ZNF584: variants seen among roughly 807,000 people sequenced by gnomAD.
The protein encoded by ZNF584 is zinc finger protein 584.
In ZNF584, 12 loss-of-function variants were observed where a neutral mutation model predicts 14.7. The ratio of observed to expected loss-of-function variants is 0.82; its 90% CI spans 0.52 to 1.32. The LOEUF is 1.32. ZNF584 is among the 40% of genes most tolerant of loss of function. ZNF584 has a pLI of 0.00. For synonymous variants in ZNF584, 204 were observed against 190.9 expected (o/e 1.07, Z -0.57); for missense variants, 478 against 518.8 (o/e 0.92, Z 0.76).
At position 58,417,583 on chromosome 19, in the gene ZNF584, A is replaced by T. The variant is rs757936099; in HGVS notation, c.1065A>T (p.Glu355Asp). 6.2e-7 allele frequency: 1 copy of T among 1,614,074 alleles called. No individual in the cohort carries two copies. The highest frequency in any genetic ancestry group is 8.5e-7 in the Non-Finnish European group (1 of 1,180,044). ...WKVHTGERPY[E>D]CSLCGKTFTT... ...TCCACACTGGGGAACGGCCCTATGA[A>T]TGTAGCCTGTGTGGGAAAACCTTCA... The change falls in exon 4 of 4, where the codon GAA becomes GAT. Residue 355 changes from glutamate to aspartate, a missense_variant. By Grantham distance (45) the Glu-to-Asp change is conservative. Transcript: ENST00000306910.
At chr19:58,404,856 C>T (rs1407682182), upstream of ZNF584, 41 of 123,884 alleles carry the variant, frequency 3.3e-4, no homozygotes, top group African/African-American at 1.3e-3. Flanking sequence ...GCTCGCCAGG[C>T]GGGGGGCTGA....
At chr19:58,406,129 T>C (rs76981959), upstream of ZNF584, 3 of 162,020 alleles carry the variant, frequency 1.9e-5, no homozygotes, top group Non-Finnish European at 2.7e-5. Flanking sequence ...GGATCACTCG[T>C]GGTTAGGAGC....
chr19:58,415,184 C>T (rs899440513), intron 2 of ZNF584, among the ~76,000 whole-genome samples: 5 of 151,874 alleles, frequency 3.3e-5, no homozygotes, highest in South Asian at 2.1e-4. Flanking sequence ...TGAGCCACTG[C>T]GCCCGGCCTG....
intron 1 of ZNF584, 116 bp downstream of exon 1, chr19:58,409,281 T>C: frequency 6.7e-6 from 8 of 1,196,666 alleles, no homozygotes; most frequent in Non-Finnish European, 8.8e-6. Context: ...GGGAGGTCTT[T>C]GATGCACGGC....
intron 2 of ZNF584, among the ~76,000 whole-genome samples, chr19:58,411,685 C>T (rs1370120023): frequency 6.6e-6 from 1 of 151,534 alleles, no homozygotes; most frequent in East Asian, 2.0e-4. Context: ...TGTTCTGTCG[C>T]CAGGCTGGAG....
At position 58,417,444 on chromosome 19, in the gene ZNF584, A is replaced by T. The variant is rs976562764; in HGVS notation, c.926A>T (p.Tyr309Phe). ...ACAGAATGTGGGAAGTTCTTTAAATACAATAATAGCTTCATTCTTCACCAG... is the reference window on the plus strand; with the variant it reads ...ACAGAATGTGGGAAGTTCTTTAAATTCAATAATAGCTTCATTCTTCACCAG... Reference protein sequence around the residue: ...ECTECGKFFKYNNSFILHQRV... With the variant: ...ECTECGKFFKFNNSFILHQRV... The change falls in exon 4 of 4, where the codon TAC becomes TTC. Residue 309 changes from tyrosine (Y) to phenylalanine (F), a missense_variant. Coordinates refer to ENST00000306910, the MANE Select transcript of ZNF584 (RefSeq NM_173548.3). 1.9e-6 allele frequency: 3 copies of T among 1,603,154 alleles called. No homozygotes were observed. In the African/African-American group the frequency reaches 4.0e-5, roughly 22 times the overall value.
intron 2 of ZNF584, among the ~76,000 whole-genome samples, chr19:58,410,727 GTA>G (rs138175671): frequency 0.063 from 2,304 of 36,502 alleles, 325 homozygotes; most frequent in Middle Eastern, 0.11. Context: ...ATATATATAT[GTA>G]TATATATATA....
chr19:58,401,905 G>A (rs4801268), intron 1 of ZNF584, among the ~76,000 whole-genome samples: 46,311 of 97,564 alleles, frequency 0.47, 10,248 homozygotes, highest in Non-Finnish European at 0.52. Context: ...AAAAAAAAAA[G>A]ATTTTTTTTT....
Position 58,408,796 on chromosome 19 carries a change from G to A in ZNF584, c.-352G>A. 4.1e-6 allele frequency: 1 copy of A among 244,488 alleles called. No homozygotes were observed. Among genetic ancestry groups the A allele is most frequent in the Non-Finnish European group, 8.0e-6 (1 of 125,596 alleles). 15.1% of individuals were successfully genotyped at this position (244,488 alleles called of 1,614,324 possible). On this transcript the variant is annotated 5_prime_UTR_variant, in exon 1 of 4. Coordinates refer to ENST00000306910, the MANE Select transcript of ZNF584 (RefSeq NM_173548.3). ...GTCCGCAGTCCTCGGCGGGAAGGCT[G>A]TCCCGGCGCCTCAGGCAGCTCTGCG...
Position 58,409,311 on chromosome 19 carries a change from T to C in ZNF584, c.18+146T>C, listed in dbSNP as rs10404029. The C allele has an allele frequency of 9.0e-3, 8,718 of 967,928 alleles. 426 individuals carry two copies. The African/African-American group carries it at 0.12, about 13-fold the overall frequency. 60.0% of individuals were successfully genotyped at this position (967,928 alleles called of 1,614,324 possible). ...CACGGCTGGGGCATGCCCTTGGCAG[T>C]GGGAGCCATTGGAGATGTGCCGCAG... On this transcript the variant is annotated intron_variant, in intron 1 of 3. Coordinates refer to ENST00000306910, the MANE Select transcript of ZNF584 (RefSeq NM_173548.3).
At position 58,415,234 on chromosome 19, in the gene ZNF584, G is replaced by A. The variant is rs1450064185; in HGVS notation, c.170-290G>A. On this transcript the variant is annotated intron_variant, in intron 2 of 3. Coordinates refer to ENST00000306910, the MANE Select transcript of ZNF584 (RefSeq NM_173548.3). ...AGACAGGGTCTCACTCTGTTGCCCA[G>A]GCTAGAGTCCAATGGTGTGATCGTG... 2.6e-5 allele frequency among the ~76,000 whole-genome samples: 4 copies of A among 152,148 alleles called. 1 individual carries two copies. The highest frequency in any genetic ancestry group is 5.9e-5 in the Non-Finnish European group (4 of 68,042).
chr19:58,410,111 C>T lies in ZNF584; in HGVS notation c.169+20C>T. The T allele has an allele frequency of 6.3e-7, 1 of 1,582,248 alleles. No homozygotes were observed. The highest frequency in any genetic ancestry group is 8.6e-7 in the Non-Finnish European group (1 of 1,164,788). The stretch of plus-strand genomic sequence containing the variant: ...CACTGGGTAAGTCTCTTACACTGTC[C>T]CCCAGCACACTGACTACCCCCTCAT... On this transcript the variant is annotated intron_variant, in intron 2 of 3. Coordinates refer to ENST00000306910, the MANE Select transcript of ZNF584 (RefSeq NM_173548.3).
At chr19:58,412,332 C>T (rs1195661102) in intron 2 of ZNF584, among the ~76,000 whole-genome samples, 1 of 151,224 alleles carries the variant, frequency 6.6e-6, no homozygotes, top group Admixed American at 6.6e-5. Context: ...GCCTCAGCCT[C>T]CCGAGTAGCT....
intron 2 of ZNF584, among the ~76,000 whole-genome samples, chr19:58,412,602 C>T (rs1156807906): frequency 3.9e-5 from 6 of 152,288 alleles, no homozygotes; most frequent in African/African-American, 1.4e-4. Context: ...CCACACCCAG[C>T]CAGTGGTGTA....
At chr19:58,414,978 T>C (rs35782676) in intron 2 of ZNF584, among the ~76,000 whole-genome samples, 27,787 of 151,848 alleles carry the variant, frequency 0.18, 2,804 homozygotes, top group Non-Finnish European at 0.23. Context: ...CTGCAAGCTC[T>C]GCCTCCCAGG....
intron 1 of ZNF584, among the ~76,000 whole-genome samples, chr19:58,402,853 C>T (rs576744387): frequency 3.4e-5 from 5 of 146,078 alleles, no homozygotes; most frequent in South Asian, 2.1e-4. Flanking sequence ...AAAAAAAGGC[C>T]GTAGGTCTGA....
intron 3 of ZNF584, 127 bp from the exon 4 acceptor site, chr19:58,416,684 G>A: frequency 2.4e-6 from 3 of 1,260,814 alleles, no homozygotes; most frequent in African/African-American, 1.5e-5. Context: ...TTACAGGCGT[G>A]AGCCACCACG....
chr19:58,410,729 A>ATATATG (rs1568585108), intron 2 of ZNF584, among the ~76,000 whole-genome samples: 1 of 44,138 alleles, frequency 2.3e-5, no homozygotes, highest in African/African-American at 2.0e-4. Flanking sequence ...ATATATATGT[A>ATATATG]TATATATATA....
At chr19:58,415,012 C>G (rs1203721174) in intron 2 of ZNF584, among the ~76,000 whole-genome samples, 1 of 151,964 alleles carries the variant, frequency 6.6e-6, no homozygotes, top group Non-Finnish European at 1.5e-5. Flanking sequence ...CCTGCCTAAG[C>G]CTCCCGAGTA....
Sources: allele counts gnomAD v4.1 joint callset (sites outside exome capture counted in the v4.1 genomes callset), GRCh38; gene constraint gnomAD v4.1.1; transcripts MANE v1.5; gene names NCBI Gene and HGNC (gene_info 2026-07-23, HGNC 2026-07-21).